The following FCRL3 variants were observed in gnomAD, a reference collection of about 807,000 sequenced individuals.
FCRL3 encodes Fc receptor-like protein 3.
FCRL3 carries 89 observed loss-of-function variants against 75.0 expected under a neutral mutation model. The ratio of observed to expected loss-of-function variants is 1.19; its 90% confidence interval spans 1.00 to 1.42. The LOEUF (loss-of-function observed/expected upper bound fraction) is 1.42. Among genes scored for constraint, FCRL3 ranks in the 40% most tolerant of loss-of-function variants. The pLI is 0.00. For synonymous variants in FCRL3, 376 were observed against 348.5 expected, an observed-to-expected ratio of 1.08 and a Z score of -0.88; for missense variants, 946 against 880.0, an observed-to-expected ratio of 1.07 and a Z score of -0.95.
At position 157,695,537 on chromosome 1, in the gene FCRL3, C is replaced by A. The variant is rs775492547; in HGVS notation, c.1203G>T (p.Glu401Asp). The change falls in exon 8 of 15, where the codon GAG (glutamate) becomes GAT (aspartate). Residue 401 changes from glutamate (E) to aspartate (D), a missense_variant. Transcript: ENST00000368184. ...AGCCTCTCAGGGACTCACAGTGAAG[C>A]TCCAGCAGGTCCCCCACCACAGTGT... is the stretch of plus-strand genomic sequence containing the variant. ...RAHTVVGDLL[E>D]LHCESLRGSP... is the part of the protein sequence containing the mutation. 29 of 1,614,170 alleles carry A rather than the reference C, an allele frequency of 1.8e-5. No individual in the cohort carries two copies. The highest frequency in any genetic ancestry group is 2.5e-5 in the Non-Finnish European group (29 of 1,180,006).
In FCRL3 at chr1:157,678,460, G is replaced by A; in HGVS notation, c.*250C>T. 2.2e-6 allele frequency: 3 copies of A among 1,352,530 alleles called. No individual in the cohort carries two copies. The highest frequency in any genetic ancestry group is 2.9e-6 in the Non-Finnish European group (3 of 1,050,102). The allele number at this position is 1,352,530 out of a possible 1,614,324, so 83.8% of individuals were successfully genotyped here. A position where few individuals can be genotyped will look rare whatever the true frequency, so the allele number is the denominator to read the frequency against. On this transcript the variant is annotated 3_prime_UTR_variant, in exon 15 of 15. Transcript: ENST00000368184. The stretch of plus-strand genomic sequence containing the variant: ...TATTCGACAGCCCTAGGAGCTGAGG[G>A]CCCTCCTGCCTTGCCACGTGTCTCC...
At position 157,697,129 on chromosome 1, in the gene FCRL3, T is replaced by TA. The variant is rs778802812; in HGVS notation, c.844+10dup. On this transcript the variant is annotated intron_variant, in intron 6 of 14. Coordinates refer to ENST00000368184, the MANE Select transcript of FCRL3 (RefSeq NM_052939.4). ...CTCTGACTCTGGAAGAGCAGCCCCT[T>TA]AGACACTCACTCTGTACACGTATCT... is the stretch of plus-strand genomic sequence containing the variant. 2 of 1,444,992 alleles carry TA rather than the reference T, an allele frequency of 1.4e-6. No homozygotes were observed. The highest frequency in any genetic ancestry group is 1.8e-6 in the Non-Finnish European group (2 of 1,094,470). 89.5% of individuals were successfully genotyped at this position (1,444,992 alleles called of 1,614,324 possible).
Position 157,681,062 on chromosome 1 carries a change from T to C in FCRL3, c.1876A>G (p.Arg626Gly). 6.2e-7 allele frequency: 1 copy of C among 1,602,546 alleles called. No homozygotes were observed. The highest frequency in any genetic ancestry group is 8.5e-7 in the Non-Finnish European group (1 of 1,176,560). ...TCTTGAGGGTCTATCCTGGAAGGCC[T>C]GGACGAGGAAGGCTCCTGACACTCA... ...PSECQEPSSS[R>G]PSRIDPQEPT... is the part of the protein sequence containing the mutation. The change falls in exon 12 of 15, where the codon AGG becomes GGG. Residue 626 changes from arginine (R) to glycine (G), a missense_variant. By Grantham distance (125) the Arg-to-Gly change is moderately radical. Coordinates refer to ENST00000368184, the MANE Select transcript of FCRL3 (RefSeq NM_052939.4).
intron 8 of FCRL3, among the ~76,000 whole-genome samples, chr1:157,694,292 A>G (rs1316792674): frequency 6.6e-6 from 1 of 152,186 alleles, no homozygotes; most frequent in Non-Finnish European, 1.5e-5. Flanking sequence ...AGACTTATTC[A>G]AGGTTAAACA....
chr1:157,688,423 C>T (rs1260720087), intron 10 of FCRL3, among the ~76,000 whole-genome samples: 1 of 151,856 alleles, frequency 6.6e-6, no homozygotes, highest in Non-Finnish European at 1.5e-5. Context: ...TGAGCAATTC[C>T]AAATTCTGGA....
chr1:157,687,530 C>T (rs1025435198), intron 10 of FCRL3, among the ~76,000 whole-genome samples: 26 of 144,872 alleles, frequency 1.8e-4, no homozygotes, highest in African/African-American at 6.6e-4. Context: ...GATATGGTAT[C>T]AATCTAGGTG....
rs145465990 is a variant in FCRL3, at chr1:157,689,810, G to C, written c.1798C>G (p.Arg600Gly). The C allele has an allele frequency of 1.2e-6, 2 of 1,613,876 alleles. No individual in the cohort carries two copies. The highest frequency in any genetic ancestry group is 1.1e-5 in the South Asian group (1 of 91,074). ...AAALLHYARARRKPGGLSATG... is the reference protein window; with the variant it reads ...AAALLHYARAGRKPGGLSATG... ...CCTAGACACCCACCTGGTTTCCTTC[G>C]GGCCCTGGCGTAATGCAGCAGAGCA... Residue 600 changes from arginine to glycine, a missense_variant, in exon 10 of 15, where the codon CGA becomes GGA. Arg to Gly is a moderately radical substitution (Grantham distance 125). Transcript: ENST00000368184.
Position 157,678,077 on chromosome 1 carries a change from A to G in FCRL3, c.*633T>C, listed in dbSNP as rs1273503457. The G allele has an allele frequency of 1.4e-5, 14 of 985,706 alleles. No individual in the cohort carries two copies. The highest frequency in any genetic ancestry group is 1.7e-5 in the Non-Finnish European group (14 of 830,250). 61.1% of individuals were successfully genotyped at this position (985,706 alleles called of 1,614,324 possible). A position where few individuals can be genotyped will look rare whatever the true frequency, so the allele number is the denominator to read the frequency against. ...CACATAAGGTCTTTGCAGTGGGGATACAAGTCACATATTAAACTAGCAGAG... is the reference window on the plus strand; with the variant it reads ...CACATAAGGTCTTTGCAGTGGGGATGCAAGTCACATATTAAACTAGCAGAG... On this transcript the variant is annotated 3_prime_UTR_variant, in exon 15 of 15. Transcript: ENST00000368184.
Position 157,697,443 on chromosome 1 carries a change from A to C in FCRL3, c.560-19T>G. The C allele has an allele frequency of 6.5e-7, 1 of 1,528,012 alleles. No homozygotes were observed. The highest frequency in any genetic ancestry group is 8.8e-7 in the Non-Finnish European group (1 of 1,142,374). 94.7% of individuals were successfully genotyped at this position (1,528,012 alleles called of 1,614,324 possible). A position where few individuals can be genotyped will look rare whatever the true frequency, so the allele number is the denominator to read the frequency against. On this transcript the variant is annotated intron_variant, in intron 5 of 14. Coordinates refer to ENST00000368184, the MANE Select transcript of FCRL3 (RefSeq NM_052939.4). The stretch of plus-strand genomic sequence containing the variant: ...AACAGCTCTAATGAAAAGAAACAAC[A>C]TAGTCTCCAGGGTGGTGAGGCTCAG...
intron 8 of FCRL3, among the ~76,000 whole-genome samples, chr1:157,693,491 GATAAAGCTTTAAGCA>G (rs2101615797): frequency 6.6e-6 from 1 of 152,226 alleles, no homozygotes; most frequent in Non-Finnish European, 1.5e-5. Context: ...ATATTGGTAA[GATAAAGCTTTAAGCA>G]GTAACAGACA....
In FCRL3 at chr1:157,676,939, C is replaced by T; in HGVS notation, c.*1771G>A. The T allele has an allele frequency of 7.1e-7, 1 of 1,413,690 alleles. No homozygotes were observed. Among genetic ancestry groups the T allele is most frequent in the East Asian group, 2.6e-5 (1 of 38,552 alleles). The allele number at this position is 1,413,690 out of a possible 1,614,324, so 87.6% of individuals were successfully genotyped here. ...TACCCAAAACCGGTTTACATATTTT[C>T]ACCATAGAGAAAAAAACAGCAGAAT... On this transcript the variant is annotated 3_prime_UTR_variant, in exon 15 of 15. Coordinates refer to ENST00000368184, the MANE Select transcript of FCRL3 (RefSeq NM_052939.4).
Position 157,677,143 on chromosome 1 carries a change from T to C in FCRL3, c.*1567A>G. 2.0e-6 allele frequency: 2 copies of C among 1,013,476 alleles called. No homozygotes were observed. Among genetic ancestry groups the C allele is most frequent in the Non-Finnish European group, 1.2e-6 (1 of 845,806 alleles). The allele number at this position is 1,013,476 out of a possible 1,614,324, so 62.8% of individuals were successfully genotyped here. A position where few individuals can be genotyped will look rare whatever the true frequency, so the allele number is the denominator to read the frequency against. ...GGCCAGTGGGAGCAGTGTGGATTGA[T>C]CATCACATTTTTTGAGGCCAGCAGC... On this transcript the variant is annotated 3_prime_UTR_variant, in exon 15 of 15. Coordinates refer to ENST00000368184, the MANE Select transcript of FCRL3 (RefSeq NM_052939.4).
chr1:157,700,425 G>A, intron 2 of FCRL3, 34 bp downstream of exon 2: 2 of 1,613,802 alleles, frequency 1.2e-6, no homozygotes, highest in South Asian at 1.1e-5. Flanking sequence ...TTTAGGAACT[G>A]AGGCCGTGGC....
In FCRL3 at chr1:157,697,174, T is replaced by A; in HGVS notation, c.810A>T (p.Lys270Asn). The change falls in exon 6 of 15, where the codon AAA becomes AAT. Residue 270 changes from lysine to asparagine, a missense_variant. Lys to Asn is a moderately conservative substitution (Grantham distance 94). Transcript: ENST00000368184. ...CEVETVTHSI[K>N]KRSLRSQIRV... ...GTATCTGAGATCTCAGGCTCCTTTTTTTGATGCTGTGAGTCACTGTCTCCA... is the reference window on the plus strand; with the variant it reads ...GTATCTGAGATCTCAGGCTCCTTTTATTGATGCTGTGAGTCACTGTCTCCA... 1 of 1,515,450 alleles carries A rather than the reference T, an allele frequency of 6.6e-7. No individual in the cohort carries two copies. Among genetic ancestry groups the A allele is most frequent in the African/African-American group, 1.4e-5 (1 of 71,634 alleles). 93.9% of individuals were successfully genotyped at this position (1,515,450 alleles called of 1,614,324 possible). A position where few individuals can be genotyped will look rare whatever the true frequency, so the allele number is the denominator to read the frequency against.
chr1:157,679,096 T>C (rs1462231245), intron 13 of FCRL3, 123 bp from the exon 14 acceptor site: 11 of 1,113,216 alleles, frequency 9.9e-6, no homozygotes, highest in Non-Finnish European at 1.5e-5. Flanking sequence ...CTGTTTCCTC[T>C]GCTGGATTCT....
In FCRL3 at chr1:157,676,591, C is replaced by T. The variant is rs985902004; in HGVS notation, c.*2119G>A. On this transcript the variant is annotated 3_prime_UTR_variant, in exon 15 of 15. Coordinates refer to ENST00000368184, the MANE Select transcript of FCRL3 (RefSeq NM_052939.4). ...ATTCAAAGATAAAAGTCAAGTAGAG[C>T]ACTGCATGAGAATAATTCATTTTAC... is the stretch of plus-strand genomic sequence containing the variant. 26 of 903,846 alleles carry T rather than the reference C, an allele frequency of 2.9e-5. No individual in the cohort carries two copies. The highest frequency in any genetic ancestry group is 4.2e-5 in the Non-Finnish European group (25 of 597,756). The allele number at this position is 903,846 out of a possible 1,614,324, so 56.0% of individuals were successfully genotyped here. A position where few individuals can be genotyped will look rare whatever the true frequency, so the allele number is the denominator to read the frequency against.
At chr1:157,692,331 T>TG (rs1655600607) in intron 8 of FCRL3, among the ~76,000 whole-genome samples, 1 of 152,164 alleles carries the variant, frequency 6.6e-6, no homozygotes. Context: ...CTTGACCTCC[T>TG]GGGCTCAAGT....
chr1:157,679,711 C>T (rs1654699451), intron 13 of FCRL3, among the ~76,000 whole-genome samples: 3 of 151,312 alleles, frequency 2.0e-5, no homozygotes, highest in South Asian at 2.1e-4. Flanking sequence ...TGCCTGTAAT[C>T]CCGGCTACTT....
chr1:157,686,976 G>T (rs1179813349), intron 10 of FCRL3, among the ~76,000 whole-genome samples: 3 of 152,072 alleles, frequency 2.0e-5, no homozygotes, highest in African/African-American at 7.2e-5. Flanking sequence ...CACGGCAAAA[G>T]AAATTATCAA....
Sources: allele counts gnomAD v4.1 joint callset (sites outside exome capture counted in the v4.1 genomes callset), GRCh38; gene constraint gnomAD v4.1.1; transcripts MANE v1.5; gene names NCBI Gene and HGNC (gene_info 2026-07-23, HGNC 2026-07-21).